The following VSNL1 variants were observed in gnomAD, a reference collection of about 807,000 sequenced individuals.
VSNL1 encodes visinin-like protein 1.
A neutral mutation model predicts 20.4 loss-of-function variants in VSNL1; 6 were observed. That is an observed-to-expected ratio of 0.29 (90% CI 0.16 to 0.58). VSNL1 has a LOEUF of 0.58. Ranked by LOEUF, VSNL1 falls within the 20% of genes least tolerant of loss-of-function variation. The pLI is 0.90. For missense variants in VSNL1, 100 were observed against 234.5 expected, an observed-to-expected ratio of 0.43 and a Z score of 3.75; for synonymous variants, 93 against 86.4, an observed-to-expected ratio of 1.08 and a Z score of -0.42.
intron 1 of VSNL1, among the ~76,000 whole-genome samples, chr2:17,553,711 A>G (rs1663606300): frequency 6.6e-6 from 1 of 152,262 alleles, no homozygotes; most frequent in Non-Finnish European, 1.5e-5. Flanking sequence ...TCTTGGCCTT[A>G]GCCAAATAAT....
intron 3 of VSNL1, among the ~76,000 whole-genome samples, chr2:17,654,070 A>AT (rs929841099): frequency 5.3e-5 from 8 of 152,086 alleles, no homozygotes; most frequent in African/African-American, 9.7e-5. Flanking sequence ...AATAGTATAT[A>AT]TTTTTTTACC....
intron 2 of VSNL1, among the ~76,000 whole-genome samples, chr2:17,593,499 C>A (rs921382083): frequency 3.3e-5 from 5 of 152,036 alleles, no homozygotes; most frequent in African/African-American, 1.2e-4. Flanking sequence ...AAGTGATGAA[C>A]CCAAGATTCA....
At chr2:17,631,001 C>A (rs1241207859) in intron 2 of VSNL1, among the ~76,000 whole-genome samples, 1 of 152,138 alleles carries the variant, frequency 6.6e-6, no homozygotes, top group African/African-American at 2.4e-5. Context: ...AGGCTGATCT[C>A]GAACTCTTGA....
intron 1 of VSNL1, among the ~76,000 whole-genome samples, chr2:17,549,401 C>A (rs1241131348): frequency 6.6e-6 from 1 of 152,176 alleles, no homozygotes; most frequent in Non-Finnish European, 1.5e-5. Context: ...CATACATACA[C>A]ACATACATGA....
At chr2:17,640,859 T>C (rs1327966757) in intron 2 of VSNL1, among the ~76,000 whole-genome samples, 1 of 152,194 alleles carries the variant, frequency 6.6e-6, no homozygotes, top group Non-Finnish European at 1.5e-5. Context: ...TTTTAGCTAT[T>C]TGAAATATAC....
chr2:17,634,716 T>A lies in VSNL1; in HGVS notation c.163-14694T>A, dbSNP rs533464936. ...TTTGTATGTTCGTTTTTTGTTTTGC[T>A]GAGATCACAACTGCCAAAGAAGAGA... is the stretch of plus-strand genomic sequence containing the variant. On this transcript the variant is annotated intron_variant, in intron 2 of 3. Coordinates refer to ENST00000295156, the MANE Select transcript of VSNL1 (RefSeq NM_003385.5). The surrounding 1 kb of genome is among the most constrained non-coding windows in gnomAD (Gnocchi z 4.3). Among the ~76,000 whole-genome samples, 1 of 152,214 alleles carries A rather than the reference T, an allele frequency of 6.6e-6. No individual in the cohort carries two copies. Among genetic ancestry groups the A allele is most frequent in the African/African-American group, 2.4e-5 (1 of 41,446 alleles).
At chr2:17,620,401 A>G (rs1464046256) in intron 2 of VSNL1, among the ~76,000 whole-genome samples, 3 of 152,226 alleles carry the variant, frequency 2.0e-5, no homozygotes, top group African/African-American at 7.2e-5. Context: ...GGCTAGAGGC[A>G]GAAATACCAG....
Position 17,596,947 on chromosome 2 carries a change from T to C in VSNL1, c.162+4711T>C, listed in dbSNP as rs1224600557. Among the ~76,000 whole-genome samples the C allele has an allele frequency of 2.0e-5, 3 of 152,244 alleles. No homozygotes were observed. In the East Asian group the frequency reaches 5.8e-4, roughly 29 times the overall value. On this transcript the variant is annotated intron_variant, in intron 2 of 3. Transcript: ENST00000295156. ...GACATATCAAAAGTTGTGTTTGCTG[T>C]CCTGATTGACGATCCTCTCATTTAC...
chr2:17,589,202 G>A (rs760925451), intron 1 of VSNL1, among the ~76,000 whole-genome samples: 5 of 152,176 alleles, frequency 3.3e-5, no homozygotes, highest in Non-Finnish European at 7.3e-5. Context: ...AGCATATGCA[G>A]AGCCATGGAA....
intron 2 of VSNL1, among the ~76,000 whole-genome samples, chr2:17,642,532 T>G (rs1665904373): frequency 6.6e-6 from 1 of 152,104 alleles, no homozygotes; most frequent in South Asian, 2.1e-4. Flanking sequence ...ATGGTCTCGA[T>G]CTCTTGACCT....
At chr2:17,652,310 A>C (rs369971302) in intron 3 of VSNL1, among the ~76,000 whole-genome samples, 1 of 152,366 alleles carries the variant, frequency 6.6e-6, no homozygotes, top group African/African-American at 2.4e-5. Context: ...AGGTCAAAGT[A>C]AAAAAGGAAA....
intron 1 of VSNL1, among the ~76,000 whole-genome samples, chr2:17,543,545 G>A (rs749832474): frequency 5.3e-5 from 8 of 152,172 alleles, no homozygotes; most frequent in Non-Finnish European, 8.8e-5. Context: ...AGAGATGCCT[G>A]TCTCCAGCCT....
chr2:17,623,504 C>T (rs1257189602), intron 2 of VSNL1, among the ~76,000 whole-genome samples: 1 of 151,868 alleles, frequency 6.6e-6, no homozygotes, highest in Non-Finnish European at 1.5e-5. Flanking sequence ...CCCGTCTCTA[C>T]TAAAAATACA....
At position 17,651,783 on chromosome 2, in the gene VSNL1, T is replaced by G. The variant is rs201554255; in HGVS notation, c.378+2158T>G. 2.1e-4 allele frequency among the ~76,000 whole-genome samples: 32 copies of G among 152,350 alleles called. No individual in the cohort carries two copies. In the East Asian group the frequency reaches 2.3e-3, roughly 11 times the overall value. ...CTATTCAGAGCTTTTATGGATTGAT[T>G]TCTCACCTGATTATGGGTCACATTT... On this transcript the variant is annotated intron_variant, in intron 3 of 3. Coordinates refer to ENST00000295156, the MANE Select transcript of VSNL1 (RefSeq NM_003385.5).
intron 2 of VSNL1, among the ~76,000 whole-genome samples, chr2:17,618,567 A>G (rs879699011): frequency 1.3e-5 from 2 of 152,178 alleles, no homozygotes; most frequent in African/African-American, 4.8e-5. Flanking sequence ...ATATTCACAG[A>G]CTTCAGGGGT....
chr2:17,615,832 G>A (rs1665204441), intron 2 of VSNL1, among the ~76,000 whole-genome samples: 2 of 152,192 alleles, frequency 1.3e-5, no homozygotes, highest in African/African-American at 2.4e-5. Context: ...TCCAAAAAGT[G>A]CCTTCTACCC....
At chr2:17,622,535 A>AGAAAGAAAGAAAGAAG (rs1665392213) in intron 2 of VSNL1, among the ~76,000 whole-genome samples, 1 of 21,226 alleles carries the variant, frequency 4.7e-5, no homozygotes, top group Non-Finnish European at 7.7e-5. Flanking sequence ...AAGAAAGAAA[A>AGAAAGAAAGAAAGAAG]GAAAGAAAGA....
intron 1 of VSNL1, among the ~76,000 whole-genome samples, chr2:17,542,853 T>C (rs943453358): frequency 6.6e-6 from 1 of 152,198 alleles, no homozygotes; most frequent in East Asian, 1.9e-4. Flanking sequence ...GCAGAGACCC[T>C]GTAAGGTATC....
chr2:17,554,651 T>C (rs915682920), intron 1 of VSNL1, among the ~76,000 whole-genome samples: 4 of 152,146 alleles, frequency 2.6e-5, no homozygotes, highest in Non-Finnish European at 4.4e-5. Flanking sequence ...ACCTGGTCCT[T>C]CAAGTCACTA....
Sources: gnomAD v4.1 joint callset for allele counts (sites outside exome capture counted in the v4.1 genomes callset) on GRCh38, gnomAD v4.1.1 for gene constraint, Gnocchi (gnomAD v3.1) non-coding constraint, MANE v1.5 for transcripts, NCBI Gene and HGNC (gene_info 2026-07-23, HGNC 2026-07-21) for gene names.